PHKA1: variants seen among roughly 807,000 people sequenced by gnomAD.
PHKA1 encodes phosphorylase kinase regulatory subunit alpha 1, also known as phosphorylase b kinase regulatory subunit alpha, skeletal muscle isoform.
Under a neutral mutation model 110.2 loss-of-function variants are expected in PHKA1, and 60 were observed. That is an observed-to-expected ratio of 0.54 (90% CI 0.44 to 0.68). The LOEUF is 0.68. Ranked by LOEUF, PHKA1 falls within the 30% of genes least tolerant of loss-of-function variation. The pLI is 0.00. For synonymous variants in PHKA1, 316 were observed against 333.6 expected (o/e 0.95, Z 0.58); for missense variants, 801 against 942.5 (o/e 0.85, Z 1.97).
At chrX:72,599,795 C>A in intron 28 of PHKA1, 1 of 536,381 alleles carries the variant, frequency 1.9e-6, no homozygotes, top group Non-Finnish European at 3.4e-6. Context: ...ATGGCATATA[C>A]GAGAAGATCA....
At chrX:72,585,044 T>C (rs2052400648) in intron 29 of PHKA1, among the ~76,000 whole-genome samples, 1 of 109,788 alleles carries the variant, frequency 9.1e-6, no homozygotes, top group Non-Finnish European at 1.9e-5. Flanking sequence ...GCACAAGTTT[T>C]ATTTACACAC....
intron 16 of PHKA1, among the ~76,000 whole-genome samples, chrX:72,627,849 G>C (rs905562360): frequency 2.4e-5 from 2 of 84,085 alleles, no homozygotes; most frequent in Non-Finnish European, 4.3e-5. Context: ...ACAGAGTCTC[G>C]CTCTGTTACC....
Position 72,609,664 on chromosome X carries a change from C to T in PHKA1, c.2566G>A (p.Val856Ile). Residue 856 changes from valine (V) to isoleucine (I), a missense_variant, in exon 23 of 32, where the codon GTA becomes ATA. Val to Ile is a conservative substitution (Grantham distance 29). Around this residue, in one of 2 missense-constraint regions of PHKA1, gnomAD observed 502 missense variants for 519.2 expected, o/e 0.97. Transcript: ENST00000373542. ...TCTCGAGGTTCTGGAGGAAGTCCTA[C>T]TGTCAAATGTTTCTGGTGGGAGAGA... is the stretch of plus-strand genomic sequence containing the variant. The part of the protein sequence containing the change: ...DLLSHQKHLT[V>I]GLPPEPREKT... 5 of 1,206,822 alleles carry T rather than the reference C, an allele frequency of 4.1e-6. No individual in the cohort carries two copies. The highest frequency in any genetic ancestry group is 4.5e-6 in the Non-Finnish European group (4 of 890,918).
At chrX:72,664,449 A>G (rs1969913608) in intron 8 of PHKA1, among the ~76,000 whole-genome samples, 1 of 111,905 alleles carries the variant, frequency 8.9e-6, no homozygotes, top group African/African-American at 3.2e-5. Flanking sequence ...ATTAGATCTA[A>G]AAGGAGAGTT....
intron 25 of PHKA1, among the ~76,000 whole-genome samples, chrX:72,603,985 A>G (rs2052693035): frequency 9.0e-6 from 1 of 110,874 alleles, no homozygotes; most frequent in African/African-American, 3.3e-5. Flanking sequence ...TGAGGGTATT[A>G]AACATCAGAC....
intron 10 of PHKA1, among the ~76,000 whole-genome samples, chrX:72,655,562 A>G (rs1175872435): frequency 8.9e-6 from 1 of 112,939 alleles, no homozygotes; most frequent in African/African-American, 3.2e-5. Context: ...TTCATTATGT[A>G]TAGAGAAACT....
chrX:72,607,357 C>T (rs1556253171), intron 23 of PHKA1, among the ~76,000 whole-genome samples: 1 of 111,598 alleles, frequency 9.0e-6, no homozygotes, highest in African/African-American at 3.3e-5. Flanking sequence ...TGAGGGTTCC[C>T]TTTTCTCCAC....
At chrX:72,666,789 T>C (rs2053620337) in intron 7 of PHKA1, among the ~76,000 whole-genome samples, 1 of 112,033 alleles carries the variant, frequency 8.9e-6, no homozygotes. Context: ...CTCTGGGAAA[T>C]TTTGTGTTTT....
chrX:72,693,693 C>T (rs1556324347), intron 4 of PHKA1, among the ~76,000 whole-genome samples: 2 of 112,007 alleles, frequency 1.8e-5, no homozygotes. Context: ...CCAGGCCTGT[C>T]AGCTATTCTT....
chrX:72,686,730 G>C (rs1461653921), intron 4 of PHKA1, among the ~76,000 whole-genome samples: 1 of 111,953 alleles, frequency 8.9e-6, no homozygotes, highest in African/African-American at 3.2e-5. Flanking sequence ...CAATTTTACA[G>C]AGGACCCCTG....
chrX:72,684,574 T>C lies in PHKA1; in HGVS notation c.461A>G (p.His154Arg), dbSNP rs369049874. 1.3e-5 allele frequency: 15 copies of C among 1,146,658 alleles called. No homozygotes were observed. Among genetic ancestry groups the C allele is most frequent in the Non-Finnish European group, 1.8e-5 (15 of 838,023 alleles). 94.5% of individuals were successfully genotyped at this position (1,146,658 alleles called of 1,213,427 possible). ...GACTTCATCTAGGCTGTGGATGATA[T>C]GGAGTCCTGAGGAAAGAGGGAATAA... is the stretch of plus-strand genomic sequence containing the variant. ...FLAQMTASGL[H>R]IIHSLDEVNF... is the part of the protein sequence containing the mutation. Residue 154 changes from histidine (H) to arginine (R), a missense_variant, in exon 5 of 32, where the codon CAT (histidine) becomes CGT (arginine). Around this residue, in one of 2 missense-constraint regions of PHKA1, gnomAD observed 299 missense variants for 423.3 expected, o/e 0.71. Transcript: ENST00000373542.
At chrX:72,706,456 G>A (rs1556332464) in intron 2 of PHKA1, among the ~76,000 whole-genome samples, 1 of 111,406 alleles carries the variant, frequency 9.0e-6, no homozygotes, top group East Asian at 2.8e-4. Context: ...TACCTGTTAT[G>A]GAAAGTATTT....
chrX:72,628,330 T>C (rs1049314246), intron 16 of PHKA1, among the ~76,000 whole-genome samples: 9 of 110,383 alleles, frequency 8.2e-5, no homozygotes, highest in South Asian at 3.8e-4. Flanking sequence ...TTATCTTTTT[T>C]CAATTGACTT....
At position 72,611,888 on chromosome X, in the gene PHKA1, C is replaced by T. The variant is rs782339833; in HGVS notation, c.2370-704G>A. Among the ~76,000 whole-genome samples, 5 of 111,796 alleles carry T rather than the reference C, an allele frequency of 4.5e-5. No individual in the cohort carries two copies. The South Asian group carries it at 1.9e-3, about 42-fold the overall frequency. On this transcript the variant is annotated intron_variant, in intron 21 of 31. Transcript: ENST00000373542. ...TGGAGAGCTATTTGGAAATATATAT[C>T]AGTATTGAAAATATTTAAAAACAGC... is the stretch of plus-strand genomic sequence containing the variant.
intron 4 of PHKA1, among the ~76,000 whole-genome samples, chrX:72,684,876 A>G (rs991100660): frequency 3.6e-5 from 4 of 111,967 alleles, no homozygotes; most frequent in Non-Finnish European, 7.5e-5. Flanking sequence ...AATATGCTTA[A>G]ATGTACAAAC....
At chrX:72,596,390 T>C (rs904995551) in intron 28 of PHKA1, among the ~76,000 whole-genome samples, 12 of 111,503 alleles carry the variant, frequency 1.1e-4, no homozygotes, top group African/African-American at 3.6e-4. Flanking sequence ...ATCAAGCCTA[T>C]AGTTAATGAT....
intron 4 of PHKA1, among the ~76,000 whole-genome samples, chrX:72,689,727 T>C (rs1327004350): frequency 8.9e-6 from 1 of 111,942 alleles, no homozygotes; most frequent in African/African-American, 3.2e-5. Context: ...GGTATATATA[T>C]ACTTAGGAGT....
intron 21 of PHKA1, among the ~76,000 whole-genome samples, chrX:72,616,002 C>A (rs782209892): frequency 8.9e-6 from 1 of 111,763 alleles, no homozygotes; most frequent in Non-Finnish European, 1.9e-5. Flanking sequence ...TAAAAGTGAG[C>A]GGATGGAAAA....
At chrX:72,682,486 G>A (rs1292757171) in intron 5 of PHKA1, among the ~76,000 whole-genome samples, 6 of 109,693 alleles carry the variant, frequency 5.5e-5, no homozygotes, top group African/African-American at 2.0e-4. Flanking sequence ...ATAGAAAGGC[G>A]GGAAAGGTGG....
Sources: gnomAD v4.1 joint callset for allele counts (sites outside exome capture counted in the v4.1 genomes callset) on GRCh38, gnomAD v4.1.1 for gene constraint, gnomAD v4.1.1 regional missense constraint, MANE v1.5 for transcripts, NCBI Gene and HGNC (gene_info 2026-07-23, HGNC 2026-07-21) for gene names.